Variants in GLI3 observed in about 807,000 individuals in gnomAD.
GLI3 encodes GLI family zinc finger 3, also known as transcription activator GLI3.
GLI3 carries 20 observed loss-of-function variants against 100.8 expected under a neutral mutation model. The observed-to-expected ratio is 0.20, with a 90% CI of 0.14 to 0.29. GLI3 has a LOEUF of 0.29. Among genes scored for constraint, GLI3 ranks in the 10% least tolerant of loss-of-function variants. GLI3 has a pLI of 1.00. For missense variants in GLI3, 2,040 were observed against 2,128.5 expected (o/e 0.96, Z 0.82); for synonymous variants, 938 against 860.5 (o/e 1.09, Z -1.58).
intron 3 of GLI3, among the ~76,000 whole-genome samples, chr7:42,145,129 G>T (rs1346278850): frequency 2.0e-5 from 3 of 152,254 alleles, no homozygotes; most frequent in African/African-American, 4.8e-5. Flanking sequence ...CATTAGCTTT[G>T]CCTGGATAAT....
chr7:42,134,313 G>T (rs751245663), intron 3 of GLI3, among the ~76,000 whole-genome samples: 1 of 152,082 alleles, frequency 6.6e-6, no homozygotes, highest in Non-Finnish European at 1.5e-5. Flanking sequence ...GCATGAGAAG[G>T]ACTCGTGTAT....
chr7:41,993,602 T>C (rs1165583686), intron 10 of GLI3, among the ~76,000 whole-genome samples: 3 of 152,188 alleles, frequency 2.0e-5, no homozygotes, highest in African/African-American at 7.2e-5. Context: ...TTTTTATCAG[T>C]TTTGTTCAAT....
intron 2 of GLI3, among the ~76,000 whole-genome samples, chr7:42,199,550 C>G (rs1379743849): frequency 6.6e-6 from 1 of 152,106 alleles, no homozygotes; most frequent in Non-Finnish European, 1.5e-5. Flanking sequence ...TTTTTATATG[C>G]AATGGTTGTC....
At chr7:42,025,427 G>C in intron 8 of GLI3, 50 bp from the exon 9 acceptor site, 1 of 1,341,574 alleles carries the variant, frequency 7.5e-7, no homozygotes, top group Non-Finnish European at 1.1e-6. Flanking sequence ...TCATCAACAA[G>C]GAGCAGTACC....
At chr7:42,226,978 C>G (rs894611026) in intron 1 of GLI3, among the ~76,000 whole-genome samples, 1 of 152,134 alleles carries the variant, frequency 6.6e-6, no homozygotes, top group Non-Finnish European at 1.5e-5. Flanking sequence ...CATGGAATCT[C>G]AAAACACCAC....
At chr7:42,074,910 C>G (rs760900269) in intron 4 of GLI3, among the ~76,000 whole-genome samples, 1 of 152,116 alleles carries the variant, frequency 6.6e-6, no homozygotes, top group Non-Finnish European at 1.5e-5. Context: ...CAAAGCCTGG[C>G]TAAAAAAGCA....
chr7:42,035,697 G>A (rs1419854560), intron 7 of GLI3, among the ~76,000 whole-genome samples: 1 of 152,090 alleles, frequency 6.6e-6, no homozygotes, highest in Admixed American at 6.5e-5. Context: ...GAAGAAGGGG[G>A]TCATTTTAAA....
intron 4 of GLI3, among the ~76,000 whole-genome samples, chr7:42,051,641 T>A (rs919599305): frequency 6.6e-6 from 1 of 152,192 alleles, no homozygotes; most frequent in Non-Finnish European, 1.5e-5. Flanking sequence ...TACTGTGTGA[T>A]TTCAAATATT....
rs996394738 is a variant in GLI3 at position 41,966,840 on chromosome 7, C to T, written c.2432-199G>A. Among the ~76,000 whole-genome samples, 2 of 152,118 alleles carry T rather than the reference C, an allele frequency of 1.3e-5. No individual in the cohort carries two copies. The highest frequency in any genetic ancestry group is 2.9e-5 in the Non-Finnish European group (2 of 68,032). On this transcript the variant is annotated intron_variant, in intron 14 of 14. Coordinates refer to ENST00000395925, the MANE Select transcript of GLI3 (RefSeq NM_000168.6). The surrounding 1 kb of genome is among the most constrained non-coding windows in gnomAD (Gnocchi z 5.8). ...CCACAGAGAGCAGTGAGCAAGCAAGCGTGGCGGGGTGTCCATGAAGCTTCC... is the reference window on the plus strand; with the variant it reads ...CCACAGAGAGCAGTGAGCAAGCAAGTGTGGCGGGGTGTCCATGAAGCTTCC...
Position 41,962,146 on chromosome 7 carries a change from C to A in GLI3, c.*2184G>T, listed in dbSNP as rs938307222. On this transcript the variant is annotated 3_prime_UTR_variant, in exon 15 of 15. Coordinates refer to ENST00000395925, the MANE Select transcript of GLI3 (RefSeq NM_000168.6). The stretch of plus-strand genomic sequence containing the variant: ...GTAACTGAGAAATGGAGGTTGCATC[C>A]GAGAATACTACTGGAAGAGCCCTCT... The A allele has an allele frequency of 6.6e-6, 1 of 152,142 alleles. No individual in the cohort carries two copies. The highest frequency in any genetic ancestry group is 1.5e-5 in the Non-Finnish European group (1 of 68,058). The allele number at this position is 152,142 out of a possible 1,614,324, so 9.4% of individuals were successfully genotyped here. A position where few individuals can be genotyped will look rare whatever the true frequency, so the allele number is the denominator to read the frequency against.
At chr7:42,218,781 A>G (rs1360016305) in intron 2 of GLI3, among the ~76,000 whole-genome samples, 1 of 152,148 alleles carries the variant, frequency 6.6e-6, no homozygotes, top group Non-Finnish European at 1.5e-5. Context: ...TATGTTCCCA[A>G]TAACTATCAG....
chr7:42,153,189 C>G (rs1786917517), intron 2 of GLI3, among the ~76,000 whole-genome samples: 1 of 152,166 alleles, frequency 6.6e-6, no homozygotes, highest in Admixed American at 6.5e-5. Flanking sequence ...TTTCAAGTTT[C>G]AAAGTCCTTT....
intron 3 of GLI3, among the ~76,000 whole-genome samples, chr7:42,121,689 G>T (rs895473109): frequency 6.6e-6 from 1 of 152,062 alleles, no homozygotes; most frequent in Non-Finnish European, 1.5e-5. Context: ...TTGTATGTCT[G>T]CTCTTCTTAG....
chr7:42,229,641 T>C (rs976308188), intron 1 of GLI3, among the ~76,000 whole-genome samples: 1 of 152,192 alleles, frequency 6.6e-6, no homozygotes. Context: ...ATATTACTAG[T>C]AGATCAACTG....
intron 4 of GLI3, among the ~76,000 whole-genome samples, chr7:42,071,787 C>T (rs187602578): frequency 5.9e-5 from 9 of 152,260 alleles, no homozygotes; most frequent in Admixed American, 2.0e-4. Flanking sequence ...GCCATAATTA[C>T]GGGGGCGAGG....
chr7:42,102,633 A>G (rs1380801557), intron 3 of GLI3, among the ~76,000 whole-genome samples: 1 of 152,228 alleles, frequency 6.6e-6, no homozygotes, highest in Non-Finnish European at 1.5e-5. Context: ...TCAGTGCCTC[A>G]CCAGGCAAGT....
chr7:42,091,092 C>T (rs1208909264), intron 3 of GLI3, among the ~76,000 whole-genome samples: 4 of 152,294 alleles, frequency 2.6e-5, no homozygotes, highest in East Asian at 1.9e-4. Flanking sequence ...TAATGTTACG[C>T]GCAGTAGCCG....
At chr7:42,055,881 G>A (rs1215568242) in intron 4 of GLI3, among the ~76,000 whole-genome samples, 1 of 152,132 alleles carries the variant, frequency 6.6e-6, no homozygotes, top group Non-Finnish European at 1.5e-5. Flanking sequence ...GATATCATTT[G>A]GCTGTGTCTC....
At chr7:42,261,916 T>TTCCCTC (rs1789144615) in intron 1 of GLI3, among the ~76,000 whole-genome samples, 1 of 145,288 alleles carries the variant, frequency 6.9e-6, no homozygotes, top group Non-Finnish European at 1.5e-5. Context: ...CTCCCTTCCT[T>TTCCCTC]CCTTCTTCCT....
Sources: allele counts gnomAD v4.1 joint callset (sites outside exome capture counted in the v4.1 genomes callset), GRCh38; gene constraint gnomAD v4.1.1; non-coding constraint Gnocchi (gnomAD v3.1); transcripts MANE v1.5; gene names NCBI Gene and HGNC (gene_info 2026-07-23, HGNC 2026-07-21).